Variants in SPECC1L observed in about 807,000 individuals in gnomAD.
SPECC1L encodes cytospin-A.
In SPECC1L, 40 loss-of-function variants were observed where a neutral mutation model predicts 116.8. The ratio of observed to expected loss-of-function variants is 0.34; its 90% CI spans 0.27 to 0.45. SPECC1L has a LOEUF of 0.45. SPECC1L is among the 20% of genes least tolerant of loss of function. The pLI is 1.00. For missense variants in SPECC1L, 1,110 were observed against 1,373.6 expected, an observed-to-expected ratio of 0.81 and a Z score of 3.03; for synonymous variants, 504 against 500.6, an observed-to-expected ratio of 1.01 and a Z score of -0.09.
At chr22:24,326,018 A>G (rs529312401) in intron 6 of SPECC1L, among the ~76,000 whole-genome samples, 1 of 152,274 alleles carries the variant, frequency 6.6e-6, no homozygotes, top group South Asian at 2.1e-4. Context: ...CAGTGGTACC[A>G]TCTTGGCTCA....
intron 4 of SPECC1L, among the ~76,000 whole-genome samples, chr22:24,313,682 A>C (rs1449114852): frequency 6.6e-6 from 1 of 151,626 alleles, no homozygotes; most frequent in East Asian, 1.9e-4. Context: ...TTTGAAGCAG[A>C]TTCTGGACAT....
intron 14 of SPECC1L, among the ~76,000 whole-genome samples, chr22:24,383,747 C>G (rs1363905516): frequency 6.8e-6 from 1 of 147,530 alleles, no homozygotes; most frequent in Admixed American, 6.9e-5. Context: ...AGTGATGCTC[C>G]TGCCTTAACC....
At position 24,281,898 on chromosome 22, in the gene SPECC1L, T is replaced by A. The variant is rs2048950941; in HGVS notation, c.-38+5095T>A. 2.0e-5 allele frequency among the ~76,000 whole-genome samples: 3 copies of A among 152,182 alleles called. No homozygotes were observed. The South Asian group carries it at 6.2e-4, about 31-fold the overall frequency. On this transcript the variant is annotated intron_variant, in intron 2 of 16. Coordinates refer to ENST00000314328, the MANE Select transcript of SPECC1L (RefSeq NM_015330.6). Reference sequence around the variant, plus strand: ...AGCGGAATCATCAAGACGGGAATTGTAATAGAGAAAGAGTAATTCAGGCAG... The same window carrying A: ...AGCGGAATCATCAAGACGGGAATTGAAATAGAGAAAGAGTAATTCAGGCAG...
chr22:24,396,401 G>A lies in SPECC1L; in HGVS notation c.3088-15187G>A, dbSNP rs918342749. On this transcript the variant is annotated intron_variant, in intron 14 of 16. Coordinates refer to ENST00000314328, the MANE Select transcript of SPECC1L (RefSeq NM_015330.6). ...CAACCTCTGCTTCCCGGGTTCAAGC[G>A]ATTCTCCTGCATCAGCCTCCTGAGT... 3.3e-5 allele frequency among the ~76,000 whole-genome samples: 5 copies of A among 151,942 alleles called. No individual in the cohort carries two copies. In the East Asian group the frequency reaches 5.8e-4, roughly 18 times the overall value.
At chr22:24,347,040 CCAAA>C in intron 10 of SPECC1L, 42 bp from the exon 11 acceptor site, 1 of 1,451,924 alleles carries the variant, frequency 6.9e-7, no homozygotes, top group Non-Finnish European at 9.7e-7. Flanking sequence ...CTTTGTGAGT[CCAAA>C]CAGTCATTTT....
At chr22:24,381,260 A>G (rs1291852036) in intron 14 of SPECC1L, among the ~76,000 whole-genome samples, 2 of 152,184 alleles carry the variant, frequency 1.3e-5, no homozygotes, top group Non-Finnish European at 2.9e-5. Flanking sequence ...TGAATGAAAA[A>G]TCTCAATGTT....
intron 13 of SPECC1L, 30 bp downstream of exon 13, chr22:24,365,662 G>A (rs374318340): frequency 2.0e-5 from 33 of 1,612,422 alleles, no homozygotes; most frequent in Admixed American, 8.3e-5. Flanking sequence ...CATGCATTTC[G>A]TGTGTACCTT....
chr22:24,345,355 A>T (rs569080611), intron 10 of SPECC1L, among the ~76,000 whole-genome samples: 10 of 152,242 alleles, frequency 6.6e-5, no homozygotes, highest in Non-Finnish European at 1.3e-4. Context: ...TATAATTTTT[A>T]CATGAGAACA....
At chr22:24,311,638 C>CAG (rs2040462056) in intron 3 of SPECC1L, among the ~76,000 whole-genome samples, 1 of 151,928 alleles carries the variant, frequency 6.6e-6, no homozygotes, top group African/African-American at 2.4e-5. Context: ...TACCCCATCT[C>CAG]TACTAAGAAT....
At chr22:24,369,182 CA>C in intron 13 of SPECC1L, 35 bp from the exon 14 acceptor site, 1 of 1,516,880 alleles carries the variant, frequency 6.6e-7, no homozygotes, top group Non-Finnish European at 9.2e-7. Flanking sequence ...GGTGCCCAAA[CA>C]AAAAATATTT....
chr22:24,338,341 A>C, intron 9 of SPECC1L, 45 bp from the exon 10 acceptor site: 1 of 1,589,534 alleles, frequency 6.3e-7, no homozygotes. Context: ...TTAAGCTTCC[A>C]CTGTACAGTG....
chr22:24,417,343 G>A lies in SPECC1L; in HGVS notation c.*2720G>A, dbSNP rs1224148254. ...CCAGCTCCCTCCTGGGACTGGCTGT[G>A]GAGAGAAGGGCACCTCTGAGCCAGC... On this transcript the variant is annotated 3_prime_UTR_variant, in exon 17 of 17. Transcript: ENST00000314328. 6.6e-6 allele frequency: 1 copy of A among 152,432 alleles called. No individual in the cohort carries two copies. Among genetic ancestry groups the A allele is most frequent in the Non-Finnish European group, 1.5e-5 (1 of 68,038 alleles). The allele number at this position is 152,432 out of a possible 1,614,324, so 9.4% of individuals were successfully genotyped here.
chr22:24,328,199 A>C (rs763460410), intron 6 of SPECC1L, among the ~76,000 whole-genome samples: 1 of 151,340 alleles, frequency 6.6e-6, no homozygotes, highest in Non-Finnish European at 1.5e-5. Flanking sequence ...TTGTATCCTC[A>C]CTCTATCTAG....
chr22:24,377,207 T>C (rs1331575845), intron 14 of SPECC1L, among the ~76,000 whole-genome samples: 1 of 152,212 alleles, frequency 6.6e-6, no homozygotes, highest in Non-Finnish European at 1.5e-5. Flanking sequence ...GGCCAAACAA[T>C]ATTCCATTGT....
intron 14 of SPECC1L, among the ~76,000 whole-genome samples, chr22:24,400,032 T>C (rs897932925): frequency 2.0e-5 from 3 of 152,250 alleles, no homozygotes; most frequent in African/African-American, 7.2e-5. Context: ...ATAGAGTTAC[T>C]GGGCATAAAC....
At chr22:24,368,727 A>G (rs754964412) in intron 13 of SPECC1L, among the ~76,000 whole-genome samples, 6 of 152,098 alleles carry the variant, frequency 3.9e-5, no homozygotes, top group African/African-American at 1.2e-4. Flanking sequence ...GCTCACTGCA[A>G]CCTCCATCTC....
chr22:24,375,955 AAAC>A (rs1393246920), intron 14 of SPECC1L, among the ~76,000 whole-genome samples: 13 of 151,316 alleles, frequency 8.6e-5, no homozygotes, highest in South Asian at 2.1e-4. Flanking sequence ...GTCTCAAAAC[AAAC>A]AAACAAACAA....
In SPECC1L at chr22:24,347,048, T is replaced by G; in HGVS notation, c.2653-38T>G. 3.3e-6 allele frequency: 5 copies of G among 1,506,048 alleles called. No homozygotes were observed. In the South Asian group the frequency reaches 3.4e-5, roughly 10 times the overall value. 93.3% of individuals were successfully genotyped at this position (1,506,048 alleles called of 1,614,324 possible). A position where few individuals can be genotyped will look rare whatever the true frequency, so the allele number is the denominator to read the frequency against. The stretch of plus-strand genomic sequence containing the variant: ...GCATTTACTTTGTGAGTCCAAACAG[T>G]CATTTTAACTTTGATGTTGTTTATC... On this transcript the variant is annotated intron_variant, in intron 10 of 16. Transcript: ENST00000314328.
chr22:24,324,235 C>A lies in SPECC1L; in HGVS notation c.1954C>A (p.Arg652=). ...DAIAKVEDEY[R]AFQEEAKKQI... ...TTTTACGTAGGTAGAGGATGAATAC[C>A]GAGCCTTCCAAGAAGAAGCTAAGAA... Residue 652 remains arginine, a synonymous_variant, in exon 6 of 17, where the codon CGA becomes AGA. Coordinates refer to ENST00000314328, the MANE Select transcript of SPECC1L (RefSeq NM_015330.6). 1 of 1,613,664 alleles carries A rather than the reference C, an allele frequency of 6.2e-7. No homozygotes were observed. Among genetic ancestry groups the A allele is most frequent in the Non-Finnish European group, 8.5e-7 (1 of 1,179,826 alleles).
Sources: gnomAD v4.1 joint callset for allele counts (sites outside exome capture counted in the v4.1 genomes callset) on GRCh38, gnomAD v4.1.1 for gene constraint, MANE v1.5 for transcripts, NCBI Gene and HGNC (gene_info 2026-07-23, HGNC 2026-07-21) for gene names.